Variants in POLA1 observed in about 807,000 individuals in gnomAD.
The protein encoded by POLA1 is DNA polymerase alpha 1, catalytic subunit, also known as DNA polymerase alpha catalytic subunit.
Under a neutral mutation model 124.0 loss-of-function variants are expected in POLA1, and 15 were observed. The ratio of observed to expected loss-of-function variants is 0.12; its 90% CI spans 0.08 to 0.19. The LOEUF is 0.19. Ranked by LOEUF, POLA1 falls within the 10% of genes least tolerant of loss-of-function variation. POLA1 has a pLI of 1.00. For missense variants in POLA1, 886 were observed against 1,103.4 expected, an observed-to-expected ratio of 0.80 and a Z score of 2.79; for synonymous variants, 408 against 389.4, an observed-to-expected ratio of 1.05 and a Z score of -0.56.
Position 24,843,562 on chromosome X carries a change from C to T in POLA1, c.3932C>T (p.Pro1311Leu). The change falls in exon 34 of 37, where the codon CCC becomes CTC. Residue 1311 changes from proline to leucine, a missense_variant. This residue lies in a region of POLA1 where 313 missense variants were observed against 359.7 expected (regional missense o/e 0.87). Coordinates refer to ENST00000379068, the MANE Select transcript of POLA1 (RefSeq NM_001330360.2). ...CTTATGTAGGGAACAGATATGGAGCCCAGCTTGTATCGTTGCAGTAACATC... is the reference window on the plus strand; with the variant it reads ...CTTATGTAGGGAACAGATATGGAGCTCAGCTTGTATCGTTGCAGTAACATC... ...VFDGSGTDME[P>L]SLYRCSNIDC... 1 of 1,193,796 alleles carries T rather than the reference C, an allele frequency of 8.4e-7. No individual in the cohort carries two copies. The highest frequency in any genetic ancestry group is 1.7e-5 in the African/African-American group (1 of 57,154).
chrX:24,729,666 C>CTTTA (rs1254174300), intron 15 of POLA1, among the ~76,000 whole-genome samples: 1 of 111,144 alleles, frequency 9.0e-6, no homozygotes, highest in African/African-American at 3.3e-5. Flanking sequence ...GTGACTGATG[C>CTTTA]TTTATTTATT....
At chrX:24,841,285 T>C (rs1384195147) in intron 32 of POLA1, among the ~76,000 whole-genome samples, 2 of 112,382 alleles carry the variant, frequency 1.8e-5, no homozygotes, top group Non-Finnish European at 3.8e-5. Flanking sequence ...TTTTCTTTAA[T>C]GGGATTTTTA....
chrX:24,992,060 A>G (rs2048540855), intron 36 of POLA1, among the ~76,000 whole-genome samples: 1 of 111,525 alleles, frequency 9.0e-6, no homozygotes, highest in Non-Finnish European at 1.9e-5. Flanking sequence ...TTGGGGCCCT[A>G]AATGTCTTTG....
chrX:24,771,469 A>G (rs778187565), intron 26 of POLA1, among the ~76,000 whole-genome samples: 2 of 111,719 alleles, frequency 1.8e-5, no homozygotes, highest in African/African-American at 6.5e-5. Flanking sequence ...TTTCAGGGCA[A>G]AAACAGCAGG....
chrX:24,818,662 TA>T (rs1259917299), intron 30 of POLA1, among the ~76,000 whole-genome samples: 1 of 112,484 alleles, frequency 8.9e-6, no homozygotes, highest in Non-Finnish European at 1.9e-5. Context: ...GTTAGAAATC[TA>T]AAAACATTTG....
chrX:24,742,168 C>G lies in POLA1; in HGVS notation c.2466+47C>G, dbSNP rs199746441. 36 of 863,526 alleles carry G rather than the reference C, an allele frequency of 4.2e-5. No homozygotes were observed. The East Asian group carries it at 9.9e-4, about 24-fold the overall frequency. 71.2% of individuals were successfully genotyped at this position (863,526 alleles called of 1,213,427 possible). On this transcript the variant is annotated intron_variant, in intron 22 of 36. Coordinates refer to ENST00000379068, the MANE Select transcript of POLA1 (RefSeq NM_001330360.2). ...ATTTTGTTTTCTCTTAACCCCCCCC[C>G]CCCTTTTAATACCTAGATAGCCTTT...
chrX:24,702,783 G>A (rs1928544134), intron 2 of POLA1, among the ~76,000 whole-genome samples: 1 of 112,266 alleles, frequency 8.9e-6, no homozygotes, highest in African/African-American at 3.2e-5. Flanking sequence ...TTTTCCTTCT[G>A]AATTGTATTT....
chrX:24,734,103 A>C (rs1931114353), intron 17 of POLA1: 3 of 160,821 alleles, frequency 1.9e-5, no homozygotes. Context: ...TCTAAAATGC[A>C]TGATCATATG....
intron 15 of POLA1, among the ~76,000 whole-genome samples, chrX:24,730,306 C>T (rs1005521839): frequency 1.4e-4 from 15 of 108,788 alleles, no homozygotes; most frequent in African/African-American, 5.0e-4. Flanking sequence ...TACAGTGATG[C>T]GATCTCCGCT....
At position 24,826,473 on chromosome X, in the gene POLA1, A is replaced by G. The variant is rs752230312; in HGVS notation, c.3608A>G (p.Gln1203Arg). 1 of 1,207,033 alleles carries G rather than the reference A, an allele frequency of 8.3e-7. No individual in the cohort carries two copies. The highest frequency in any genetic ancestry group is 1.8e-5 in the South Asian group (1 of 56,516). ...TASQRAYAPE[Q>R]LQKQDNLTID... is the part of the protein sequence containing the mutation. ...AGTCAGAGGGCCTATGCGCCTGAGC[A>G]GCTGCAGAAACAGGATAATCTAACC... is the stretch of plus-strand genomic sequence containing the variant. Residue 1203 changes from glutamine (Q) to arginine (R), a missense_variant, in exon 32 of 37, where the codon CAG becomes CGG. By Grantham distance (43) the Gln-to-Arg change is conservative (BLOSUM62 1). Around this residue, in one of 7 missense-constraint regions of POLA1, gnomAD observed 313 missense variants for 359.7 expected, o/e 0.87. Coordinates refer to ENST00000379068, the MANE Select transcript of POLA1 (RefSeq NM_001330360.2).
intron 32 of POLA1, among the ~76,000 whole-genome samples, chrX:24,828,378 A>G (rs1459530312): frequency 8.9e-6 from 1 of 112,155 alleles, no homozygotes; most frequent in Non-Finnish European, 1.9e-5. Flanking sequence ...CATAGGTAGT[A>G]AGTAGCCGGC....
intron 36 of POLA1, among the ~76,000 whole-genome samples, chrX:24,976,769 A>G (rs1389609820): frequency 8.9e-6 from 1 of 112,334 alleles, no homozygotes; most frequent in Non-Finnish European, 1.9e-5. Context: ...CCCATTTCCC[A>G]GTCTTCAAAC....
chrX:24,936,720 A>G (rs1052986928), intron 36 of POLA1, among the ~76,000 whole-genome samples: 6 of 111,064 alleles, frequency 5.4e-5, no homozygotes, highest in African/African-American at 2.0e-4. Flanking sequence ...TTTAGTAGAG[A>G]TGGGGTTTCA....
At chrX:24,710,388 C>A (rs954772275) in intron 4 of POLA1, among the ~76,000 whole-genome samples, 3 of 111,482 alleles carry the variant, frequency 2.7e-5, no homozygotes, top group African/African-American at 9.8e-5. Context: ...AGTATTTTAT[C>A]TTTTGTGTTT....
intron 36 of POLA1, among the ~76,000 whole-genome samples, chrX:24,937,758 C>T (rs1293333934): frequency 2.7e-5 from 3 of 111,952 alleles, no homozygotes; most frequent in South Asian, 7.5e-4. Flanking sequence ...GTGATTCCTC[C>T]GCGTGTTAAA....
At chrX:24,824,009 G>A (rs1348700528) in intron 31 of POLA1, among the ~76,000 whole-genome samples, 1 of 111,905 alleles carries the variant, frequency 8.9e-6, no homozygotes, top group African/African-American at 3.2e-5. Context: ...ATTTCCATAA[G>A]GCATGCCTTT....
At chrX:24,985,885 C>T (rs1450297942) in intron 36 of POLA1, among the ~76,000 whole-genome samples, 1 of 112,141 alleles carries the variant, frequency 8.9e-6, no homozygotes, top group Non-Finnish European at 1.9e-5. Flanking sequence ...GAAAGGGTTC[C>T]TTCCAGCCAG....
chrX:24,695,329 G>A (rs894088115), intron 1 of POLA1, among the ~76,000 whole-genome samples: 3 of 110,370 alleles, frequency 2.7e-5, no homozygotes, highest in Non-Finnish European at 5.7e-5. Flanking sequence ...AGTTACCTAC[G>A]TGAAGCATTG....
chrX:24,973,939 CT>C (rs971334092), intron 36 of POLA1, among the ~76,000 whole-genome samples: 3 of 110,567 alleles, frequency 2.7e-5, no homozygotes, highest in East Asian at 2.8e-4. Context: ...TTTTTTCCCC[CT>C]AGGCCCAGAT....
Sources: allele counts gnomAD v4.1 joint callset (sites outside exome capture counted in the v4.1 genomes callset), GRCh38; gene constraint gnomAD v4.1.1; regional missense constraint gnomAD v4.1.1; transcripts MANE v1.5; gene names NCBI Gene and HGNC (gene_info 2026-07-23, HGNC 2026-07-21).